Variants in RFX7 observed in about 807,000 individuals in gnomAD.
The protein encoded by RFX7 is DNA-binding protein RFX7.
Under a neutral mutation model 111.8 loss-of-function variants are expected in RFX7, and 26 were observed. The observed-to-expected ratio is 0.23, with a 90% CI of 0.17 to 0.32. RFX7 has a LOEUF of 0.32. Ranked by LOEUF, RFX7 falls within the 10% of genes least tolerant of loss-of-function variation. The pLI, the probability that RFX7 is intolerant of heterozygous loss-of-function variation, is 1.00. For missense variants in RFX7, 1,573 were observed against 1,772.9 expected, an observed-to-expected ratio of 0.89 and a Z score of 2.02; for synonymous variants, 624 against 624.4, an observed-to-expected ratio of 1.00 and a Z score of 0.01.
chr15:56,137,153 T>C (rs1310138394), intron 5 of RFX7, among the ~76,000 whole-genome samples: 2 of 152,178 alleles, frequency 1.3e-5, no homozygotes. Flanking sequence ...GAGGATTCCC[T>C]CTTTTTCTAT....
At chr15:56,112,730 T>C (rs1451996554) in intron 5 of RFX7, among the ~76,000 whole-genome samples, 2 of 152,018 alleles carry the variant, frequency 1.3e-5, no homozygotes, top group Non-Finnish European at 2.9e-5. Flanking sequence ...ACCTATAGAA[T>C]GAGAGAAAAT....
intron 2 of RFX7, among the ~76,000 whole-genome samples, chr15:56,180,302 C>T (rs1421639010): frequency 6.6e-6 from 1 of 151,880 alleles, no homozygotes; most frequent in Non-Finnish European, 1.5e-5. Context: ...ATTTTCTAAA[C>T]AATAAAATAT....
intron 2 of RFX7, among the ~76,000 whole-genome samples, chr15:56,214,520 C>T (rs1199251616): frequency 1.3e-5 from 2 of 151,624 alleles, no homozygotes; most frequent in East Asian, 1.9e-4. Flanking sequence ...TCGAGACCAT[C>T]CTGGTTAACA....
chr15:56,201,918 C>A (rs1368143212), intron 2 of RFX7, among the ~76,000 whole-genome samples: 1 of 152,092 alleles, frequency 6.6e-6, no homozygotes, highest in Non-Finnish European at 1.5e-5. Flanking sequence ...ATAGTCCCAG[C>A]TACTTGGGAG....
intron 2 of RFX7, among the ~76,000 whole-genome samples, chr15:56,234,664 A>G (rs1175970648): frequency 1.2e-4 from 19 of 152,264 alleles, no homozygotes; most frequent in African/African-American, 4.6e-4. Context: ...CTGAAGTGAC[A>G]CTCATCCAAT....
intron 2 of RFX7, among the ~76,000 whole-genome samples, chr15:56,194,057 A>T (rs2043124233): frequency 6.6e-6 from 1 of 152,196 alleles, no homozygotes. Context: ...ATAGTATCAC[A>T]GAAAGAACAT....
At chr15:56,110,290 G>A (rs1374880239) in intron 5 of RFX7, among the ~76,000 whole-genome samples, 4 of 91,626 alleles carry the variant, frequency 4.4e-5, no homozygotes, top group Admixed American at 1.0e-4. Context: ...CCCCCCGCCT[G>A]GCCAGCCGCC....
At chr15:56,168,753 C>T (rs12593569) in intron 3 of RFX7, among the ~76,000 whole-genome samples, 19,806 of 152,050 alleles carry the variant, frequency 0.13, 1,690 homozygotes, top group East Asian at 0.44. Context: ...AGGAGGTGTC[C>T]TGAATAAAAA....
intron 2 of RFX7, among the ~76,000 whole-genome samples, chr15:56,236,743 T>C (rs901676118): frequency 5.9e-5 from 9 of 152,182 alleles, no homozygotes; most frequent in Admixed American, 1.3e-4. Context: ...TACATTACTA[T>C]TATGGGATAA....
At chr15:56,222,514 A>G (rs565902044) in intron 2 of RFX7, among the ~76,000 whole-genome samples, 12 of 152,136 alleles carry the variant, frequency 7.9e-5, no homozygotes, top group African/African-American at 2.7e-4. Context: ...AGTCACAGAG[A>G]CTTGTTCATT....
intron 3 of RFX7, among the ~76,000 whole-genome samples, chr15:56,176,947 A>C (rs1466024300): frequency 2.0e-4 from 30 of 152,272 alleles, no homozygotes; most frequent in East Asian, 1.9e-3. Context: ...ATTAAAAAAA[A>C]AAAAACAGAT....
At chr15:56,181,183 C>T (rs1436191810) in intron 2 of RFX7, among the ~76,000 whole-genome samples, 1 of 152,222 alleles carries the variant, frequency 6.6e-6, no homozygotes, top group African/African-American at 2.4e-5. Context: ...ATTCTTCATT[C>T]ATTCAGCTCT....
chr15:56,096,654 G>A (rs552008773), intron 9 of RFX7, 34 bp from the exon 10 acceptor site: 8 of 1,520,440 alleles, frequency 5.3e-6, no homozygotes, highest in African/African-American at 1.4e-5. Context: ...AGATTTAACA[G>A]GTCTAGCCTG....
At chr15:56,233,998 A>G (rs2043596187) in intron 2 of RFX7, among the ~76,000 whole-genome samples, 1 of 152,168 alleles carries the variant, frequency 6.6e-6, no homozygotes, top group African/African-American at 2.4e-5. Flanking sequence ...ATAACTCTGA[A>G]TCTAATTTCT....
chr15:56,146,501 GTAATAAAAATATCATTTTTGATCA>G (rs1238179572), intron 3 of RFX7, among the ~76,000 whole-genome samples: 1 of 152,024 alleles, frequency 6.6e-6, no homozygotes, highest in African/African-American at 2.4e-5. Flanking sequence ...CTGAGAAAGT[GTAATAAAAATATCATTTTTGATCA>G]TAAAGAAAAA....
rs559673691 is a variant in RFX7, at chr15:56,091,796, C to T, written c.*1549G>A. 75 of 152,634 alleles carry T rather than the reference C, an allele frequency of 4.9e-4. No homozygotes were observed. The highest frequency in any genetic ancestry group is 1.7e-3 in the African/African-American group (72 of 41,558). The allele number at this position is 152,634 out of a possible 1,614,324, so 9.5% of individuals were successfully genotyped here. A position where few individuals can be genotyped will look rare whatever the true frequency, so the allele number is the denominator to read the frequency against. On this transcript the variant is annotated 3_prime_UTR_variant, in exon 10 of 10. Transcript: ENST00000559447. ...GCCAACTCTAGCACCATTTATTTAT[C>T]AAAATATGTTAATACCCTACCTTGC...
intron 2 of RFX7, among the ~76,000 whole-genome samples, chr15:56,234,183 C>T (rs376247441): frequency 7.7e-4 from 117 of 152,290 alleles, no homozygotes; most frequent in South Asian, 2.1e-3. Flanking sequence ...ACTGCTTATA[C>T]GCCATTATTG....
intron 2 of RFX7, among the ~76,000 whole-genome samples, chr15:56,222,344 T>C (rs1367444139): frequency 6.6e-6 from 1 of 152,184 alleles, no homozygotes; most frequent in Non-Finnish European, 1.5e-5. Flanking sequence ...TGTGCTACTA[T>C]GATTTCTTTT....
intron 3 of RFX7, among the ~76,000 whole-genome samples, chr15:56,155,333 T>C (rs1329702859): frequency 6.6e-6 from 1 of 152,162 alleles, no homozygotes; most frequent in Non-Finnish European, 1.5e-5. Flanking sequence ...ATTGCGGCAC[T>C]ATTCACAATA....
Sources: gnomAD v4.1 joint callset for allele counts (sites outside exome capture counted in the v4.1 genomes callset) on GRCh38, gnomAD v4.1.1 for gene constraint, MANE v1.5 for transcripts, NCBI Gene and HGNC (gene_info 2026-07-23, HGNC 2026-07-21) for gene names.